LIG1: variants seen among roughly 807,000 people sequenced by gnomAD.
LIG1 encodes DNA ligase 1.
In LIG1, 70 loss-of-function variants were observed where a neutral mutation model predicts 115.7. The ratio of observed to expected loss-of-function variants is 0.60; its 90% CI spans 0.50 to 0.74. The LOEUF (loss-of-function observed/expected upper bound fraction) is 0.74. Among genes scored for constraint, LIG1 ranks in the 30% least tolerant of loss-of-function variants. LIG1 has a pLI of 0.00. For synonymous variants in LIG1, 487 were observed against 495.3 expected (o/e 0.98, Z 0.22); for missense variants, 1,115 against 1,225.6 (o/e 0.91, Z 1.35).
chr19:48,122,896 C>T lies in LIG1; in HGVS notation c.2232+38G>A. The T allele has an allele frequency of 1.3e-6, 2 of 1,592,730 alleles. No individual in the cohort carries two copies. The highest frequency in any genetic ancestry group is 1.1e-5 in the South Asian group (1 of 90,658). On this transcript the variant is annotated intron_variant, in intron 23 of 27. Transcript: ENST00000263274. The surrounding 1 kb of genome is among the most constrained non-coding windows in gnomAD (Gnocchi z 4.3). ...GCCTAGCTGGGACAGACCTCCAGAC[C>T]CGGGGTGGAGAAGGCCCAGTTGGGG...
intron 21 of LIG1, among the ~76,000 whole-genome samples, chr19:48,125,161 A>G (rs1032260349): frequency 3.9e-5 from 6 of 152,360 alleles, no homozygotes; most frequent in Admixed American, 1.3e-4. Context: ...ATACAACAAA[A>G]TAGGCCATCA....
intron 6 of LIG1, 82 bp from the exon 7 acceptor site, chr19:48,151,421 C>T (rs2035467858): frequency 5.8e-6 from 5 of 866,040 alleles, no homozygotes; most frequent in African/African-American, 1.6e-5. Context: ...ACAGTCTGCC[C>T]TCATCTGTCA....
Position 48,135,879 on chromosome 19 carries a change from G to A in LIG1, c.1424-100C>T, listed in dbSNP as rs527243804. 3.1e-5 allele frequency: 39 copies of A among 1,255,862 alleles called. No homozygotes were observed. The African/African-American group carries it at 3.4e-4, about 11-fold the overall frequency. 77.8% of individuals were successfully genotyped at this position (1,255,862 alleles called of 1,614,324 possible). ...CTGTATGGCAAGGAATGCAGATGCC[G>A]CGGCCCAAGACGCCCCCTCCCCCCC... is the stretch of plus-strand genomic sequence containing the variant. On this transcript the variant is annotated intron_variant, in intron 15 of 27. Transcript: ENST00000263274.
At chr19:48,164,664 T>C (rs936664780) in intron 2 of LIG1, among the ~76,000 whole-genome samples, 2 of 152,098 alleles carry the variant, frequency 1.3e-5, no homozygotes, top group East Asian at 1.9e-4. Context: ...AGCTGAACAA[T>C]GGAGAGAGAC....
At chr19:48,120,976 C>G (rs2033224894) in intron 24 of LIG1, 194 bp downstream of exon 24, 2 of 1,467,920 alleles carry the variant, frequency 1.4e-6, no homozygotes, top group African/African-American at 1.4e-5. Context: ...TGACATCTTT[C>G]TATCCCAGCC....
chr19:48,163,324 T>C (rs1471810763), intron 2 of LIG1, among the ~76,000 whole-genome samples: 8 of 151,282 alleles, frequency 5.3e-5, no homozygotes, highest in African/African-American at 1.9e-4. Context: ...CAGTTTCAAG[T>C]GTTTCTCCTG....
chr19:48,162,183 T>G (rs2036218249), intron 3 of LIG1, 79 bp downstream of exon 3: 2 of 1,356,326 alleles, frequency 1.5e-6, no homozygotes, highest in Non-Finnish European at 2.1e-6. Context: ...ACATTTTGCA[T>G]TAGGTTTGAA....
At chr19:48,146,386 T>C (rs1290896314) in intron 9 of LIG1, among the ~76,000 whole-genome samples, 15 of 152,246 alleles carry the variant, frequency 9.9e-5, no homozygotes, top group Admixed American at 9.8e-4. Context: ...GGTTAAAAAG[T>C]ATGACGCAGT....
At chr19:48,120,306 C>T (rs2122333405) in intron 24 of LIG1, 1 of 985,342 alleles carries the variant, frequency 1.0e-6, no homozygotes, top group African/African-American at 1.7e-5. Flanking sequence ...TGCTTAAGGG[C>T]ATATACAACA....
chr19:48,149,697 G>T, intron 9 of LIG1, 66 bp downstream of exon 9: 1 of 1,272,556 alleles, frequency 7.9e-7, no homozygotes, highest in Non-Finnish European at 1.1e-6. Context: ...CTGGGGGTGG[G>T]GCTGTCGGAA....
At chr19:48,169,799 C>T (rs1215222623) in intron 1 of LIG1, 1 of 150,760 alleles carries the variant, frequency 6.6e-6, no homozygotes, top group Non-Finnish European at 1.5e-5. Context: ...CGCCCACACG[C>T]AATCTTTTCC....
chr19:48,149,667 G>A (rs4987072), intron 9 of LIG1, 96 bp downstream of exon 9: 4 of 955,246 alleles, frequency 4.2e-6, no homozygotes, highest in African/African-American at 1.6e-5. Flanking sequence ...GCCAAGTCCT[G>A]CAAGAGGAGG....
intron 11 of LIG1, 50 bp from the exon 12 acceptor site, chr19:48,140,193 G>T: frequency 2.0e-6 from 3 of 1,494,060 alleles, no homozygotes; most frequent in Non-Finnish European, 2.8e-6. Context: ...AGGTCAAAGT[G>T]TGGTGTCGGG....
chr19:48,168,747 G>C (rs1420387496), intron 1 of LIG1, among the ~76,000 whole-genome samples: 1 of 152,122 alleles, frequency 6.6e-6, no homozygotes, highest in African/African-American at 2.4e-5. Context: ...GAGTTTTTTG[G>C]GGGGATGATA....
chr19:48,135,586 T>C, intron 16 of LIG1, 94 bp downstream of exon 16: 4 of 991,172 alleles, frequency 4.0e-6, no homozygotes, highest in Middle Eastern at 2.5e-4. Context: ...TGTCCGTCAC[T>C]TCACTGGCCC....
intron 1 of LIG1, among the ~76,000 whole-genome samples, chr19:48,169,402 G>A (rs2036648774): frequency 6.6e-6 from 1 of 152,074 alleles, no homozygotes; most frequent in South Asian, 2.1e-4. Flanking sequence ...TTCGATATTG[G>A]GACTACATAA....
intron 2 of LIG1, among the ~76,000 whole-genome samples, chr19:48,163,902 G>A (rs1235587433): frequency 1.4e-5 from 2 of 144,008 alleles, no homozygotes; most frequent in Non-Finnish European, 3.0e-5. Flanking sequence ...CCAAGATCGC[G>A]CCACTGCACT....
At chr19:48,134,165 A>G in intron 16 of LIG1, 99 bp from the exon 17 acceptor site, 2 of 1,084,194 alleles carry the variant, frequency 1.8e-6, no homozygotes, top group Non-Finnish European at 2.8e-6. Flanking sequence ...GGGCTCCTGG[A>G]TGCCTCTGCC....
intron 19 of LIG1, among the ~76,000 whole-genome samples, chr19:48,129,800 G>C (rs3730999): frequency 5.3e-5 from 8 of 152,134 alleles, no homozygotes; most frequent in Non-Finnish European, 1.2e-4. Flanking sequence ...CTGTCACCCA[G>C]GCTAGAGTAC....
Sources: gnomAD v4.1 joint callset for allele counts (sites outside exome capture counted in the v4.1 genomes callset) on GRCh38, gnomAD v4.1.1 for gene constraint, Gnocchi (gnomAD v3.1) non-coding constraint, MANE v1.5 for transcripts, NCBI Gene and HGNC (gene_info 2026-07-23, HGNC 2026-07-21) for gene names.